Variants in PTPRN2 observed in about 807,000 individuals in gnomAD.
The protein encoded by PTPRN2 is protein tyrosine phosphatase receptor type N2, also known as receptor-type tyrosine-protein phosphatase N2.
PTPRN2 carries 74 observed loss-of-function variants against 118.8 expected under a neutral mutation model. The ratio of observed to expected loss-of-function variants is 0.62; its 90% CI spans 0.52 to 0.76. The LOEUF (loss-of-function observed/expected upper bound fraction) is 0.76. Ranked by LOEUF, PTPRN2 falls within the 30% of genes least tolerant of loss-of-function variation. PTPRN2 has a pLI of 0.00. For synonymous variants in PTPRN2, 641 were observed against 608.0 expected (o/e 1.05, Z -0.80); for missense variants, 1,481 against 1,394.4 (o/e 1.06, Z -0.99).
chr7:158,532,756 C>T, intron 1 of PTPRN2: 1 of 534,796 alleles, frequency 1.9e-6, no homozygotes, highest in South Asian at 1.4e-5. Flanking sequence ...CACACTTCAA[C>T]CTGTTCCTTA....
At chr7:158,214,804 C>G (rs1428448711) in intron 3 of PTPRN2, among the ~76,000 whole-genome samples, 1 of 152,130 alleles carries the variant, frequency 6.6e-6, no homozygotes, top group African/African-American at 2.4e-5. Flanking sequence ...CAACAGAGGC[C>G]TCCTGGGGAA....
chr7:158,143,126 C>T (rs539196630), intron 6 of PTPRN2, among the ~76,000 whole-genome samples: 6 of 152,168 alleles, frequency 3.9e-5, no homozygotes, highest in African/African-American at 9.7e-5. Context: ...AGTCTTATCT[C>T]GCTCGTCCAC....
intron 12 of PTPRN2, among the ~76,000 whole-genome samples, chr7:157,685,366 G>T (rs1420904657): frequency 6.6e-6 from 1 of 152,040 alleles, no homozygotes; most frequent in African/African-American, 2.4e-5. Context: ...CCACACGCGC[G>T]CGGTGACCAC....
intron 8 of PTPRN2, among the ~76,000 whole-genome samples, chr7:158,135,465 T>G (rs1190339982): frequency 6.9e-6 from 1 of 144,030 alleles, no homozygotes; most frequent in African/African-American, 2.6e-5. Context: ...TTTAAATAAA[T>G]AAGAAGTCAG....
intron 11 of PTPRN2, among the ~76,000 whole-genome samples, chr7:158,018,474 C>A (rs1242489774): frequency 6.6e-6 from 1 of 152,180 alleles, no homozygotes; most frequent in Non-Finnish European, 1.5e-5. Flanking sequence ...CTTCTGGGAG[C>A]TTCACATTTT....
chr7:158,061,844 T>A (rs921559155), intron 11 of PTPRN2, among the ~76,000 whole-genome samples: 4 of 152,262 alleles, frequency 2.6e-5, no homozygotes, highest in Non-Finnish European at 5.9e-5. Flanking sequence ...GGCCCTTCGA[T>A]CCATGTGGAA....
intron 10 of PTPRN2, among the ~76,000 whole-genome samples, chr7:158,108,805 C>T (rs1815913136): frequency 6.6e-6 from 1 of 152,256 alleles, no homozygotes; most frequent in Non-Finnish European, 1.5e-5. Flanking sequence ...TGAGGCAGGG[C>T]CCATGTATCT....
intron 2 of PTPRN2, among the ~76,000 whole-genome samples, chr7:158,473,118 GC>G (rs1471956568): frequency 6.6e-6 from 1 of 152,164 alleles, no homozygotes; most frequent in Non-Finnish European, 1.5e-5. Flanking sequence ...AAATGGTATG[GC>G]CACGCACAGA....
At chr7:158,073,871 G>A (rs1304232669) in intron 11 of PTPRN2, among the ~76,000 whole-genome samples, 1 of 152,184 alleles carries the variant, frequency 6.6e-6, no homozygotes, top group Non-Finnish European at 1.5e-5. Context: ...TGGACAGCAG[G>A]CTCCTCCAGC....
rs1392207744 is a variant in PTPRN2 at position 158,546,616 on chromosome 7, G to C, written c.112+40942C>G. ...TCCCAGGCCACACCTTGACGTGGGA[G>C]GCCACGGGACAGACGCCACCTCTCC... On this transcript the variant is annotated intron_variant, in intron 1 of 22. Coordinates refer to ENST00000389418, the MANE Select transcript of PTPRN2 (RefSeq NM_002847.5). This position sits in a 1 kb window ranked among gnomAD's most constrained non-coding sequence, Gnocchi z 5.0. Among the ~76,000 whole-genome samples the C allele has an allele frequency of 6.6e-6, 1 of 152,144 alleles. No individual in the cohort carries two copies. The highest frequency in any genetic ancestry group is 1.9e-4 in the East Asian group (1 of 5,176).
intron 11 of PTPRN2, among the ~76,000 whole-genome samples, chr7:158,016,996 C>T (rs1246737970): frequency 6.6e-6 from 1 of 152,078 alleles, no homozygotes; most frequent in African/African-American, 2.4e-5. Context: ...GAAAACATTG[C>T]GTTTGGTATA....
At chr7:158,213,669 A>G (rs887218252) in intron 3 of PTPRN2, among the ~76,000 whole-genome samples, 5 of 152,190 alleles carry the variant, frequency 3.3e-5, no homozygotes, top group Non-Finnish European at 5.9e-5. Context: ...TTGTTTATAT[A>G]GCTATTTCTG....
At chr7:157,862,194 T>C (rs111463748) in intron 12 of PTPRN2, among the ~76,000 whole-genome samples, 8,979 of 152,342 alleles carry the variant, frequency 0.059, 423 homozygotes, top group African/African-American at 0.12. Flanking sequence ...TGCAGCACGG[T>C]GCCTCCTTCA....
chr7:158,370,247 G>T (rs1269808551), intron 2 of PTPRN2, among the ~76,000 whole-genome samples: 1 of 151,922 alleles, frequency 6.6e-6, no homozygotes, highest in Non-Finnish European at 1.5e-5. Context: ...AGAGCAGCCT[G>T]GCCGACACGG....
At chr7:157,568,221 C>T (rs1182326568) in intron 21 of PTPRN2, among the ~76,000 whole-genome samples, 4 of 152,186 alleles carry the variant, frequency 2.6e-5, no homozygotes, top group Non-Finnish European at 5.9e-5. Flanking sequence ...GCACCCTGCG[C>T]CTCATGTCTA....
At chr7:157,852,791 C>A (rs973075608) in intron 12 of PTPRN2, among the ~76,000 whole-genome samples, 1 of 149,190 alleles carries the variant, frequency 6.7e-6, no homozygotes, top group East Asian at 2.0e-4. Context: ...ATCGCTTTAA[C>A]CCAGGAGGCA....
At chr7:157,725,724 A>G (rs1450507418) in intron 12 of PTPRN2, among the ~76,000 whole-genome samples, 20 of 46,036 alleles carry the variant, frequency 4.3e-4, no homozygotes, top group African/African-American at 1.3e-3. Flanking sequence ...CAGAGGAGTG[A>G]GCCAGACCCT....
At chr7:158,071,718 G>GTA (rs1811805504) in intron 11 of PTPRN2, among the ~76,000 whole-genome samples, 1 of 137,978 alleles carries the variant, frequency 7.2e-6, no homozygotes, top group Non-Finnish European at 1.5e-5. Flanking sequence ...GCTCCTGGTG[G>GTA]TGGAGGTGCT....
At chr7:158,404,696 C>T (rs111432492) in intron 2 of PTPRN2, among the ~76,000 whole-genome samples, 55 of 149,574 alleles carry the variant, frequency 3.7e-4, no homozygotes, top group African/African-American at 1.1e-3. Context: ...CCTCAGCTCC[C>T]GGGCCTCCAG....
Sources: gnomAD v4.1 joint callset for allele counts (sites outside exome capture counted in the v4.1 genomes callset) on GRCh38, gnomAD v4.1.1 for gene constraint, Gnocchi (gnomAD v3.1) non-coding constraint, MANE v1.5 for transcripts, NCBI Gene and HGNC (gene_info 2026-07-23, HGNC 2026-07-21) for gene names.